Variants in DLGAP1 observed in about 807,000 individuals in gnomAD.
The protein encoded by DLGAP1 is DLG associated protein 1.
DLGAP1 carries 11 observed loss-of-function variants against 90.8 expected under a neutral mutation model. The ratio of observed to expected loss-of-function variants is 0.12; its 90% CI spans 0.08 to 0.20. The LOEUF (loss-of-function observed/expected upper bound fraction) is 0.20, where lower values mean the gene tolerates loss of function less well. Ranked by LOEUF, DLGAP1 falls within the 10% of genes least tolerant of loss-of-function variation. DLGAP1 has a pLI of 1.00. For missense variants in DLGAP1, 1,050 were observed against 1,333.8 expected, an observed-to-expected ratio of 0.79 and a Z score of 3.31; for synonymous variants, 558 against 540.7, an observed-to-expected ratio of 1.03 and a Z score of -0.44.
At chr18:4,186,359 T>C (rs954896191) in intron 1 of DLGAP1, among the ~76,000 whole-genome samples, 2 of 152,132 alleles carry the variant, frequency 1.3e-5, no homozygotes, top group Non-Finnish European at 2.9e-5. Flanking sequence ...CTAGTTCCTA[T>C]ATCCAGAATG....
intron 2 of DLGAP1, among the ~76,000 whole-genome samples, chr18:4,141,095 T>C (rs2076487626): frequency 6.6e-6 from 1 of 152,062 alleles, no homozygotes; most frequent in Non-Finnish European, 1.5e-5. Flanking sequence ...TGGGAAGTTC[T>C]CTGTTATTAT....
chr18:3,838,014 A>G (rs1352643311), intron 4 of DLGAP1, among the ~76,000 whole-genome samples: 2 of 149,516 alleles, frequency 1.3e-5, no homozygotes, highest in Non-Finnish European at 1.5e-5. Flanking sequence ...AATTAAAAAA[A>G]ATATAGATTG....
At position 3,517,697 on chromosome 18, in the gene DLGAP1, A is replaced by G. The variant is rs1374568900; in HGVS notation, c.2480-9036T>C. Among the ~76,000 whole-genome samples, 1 of 152,008 alleles carries G rather than the reference A, an allele frequency of 6.6e-6. No homozygotes were observed. The highest frequency in any genetic ancestry group is 1.5e-5 in the Non-Finnish European group (1 of 67,988). On this transcript the variant is annotated intron_variant, in intron 10 of 12. Transcript: ENST00000315677. This position sits in a 1 kb window ranked among gnomAD's most constrained non-coding sequence, Gnocchi z 4.1. ...TCAGGCACGGTGGCGCATGCCTGTAATCCCAGCTACTCAGGAGGCTGAGGC... is the reference window on the plus strand; with the variant it reads ...TCAGGCACGGTGGCGCATGCCTGTAGTCCCAGCTACTCAGGAGGCTGAGGC...
intron 2 of DLGAP1, among the ~76,000 whole-genome samples, chr18:4,016,166 C>T (rs2074520259): frequency 6.6e-6 from 1 of 152,050 alleles, no homozygotes; most frequent in African/African-American, 2.4e-5. Context: ...GATATTTAGC[C>T]TTCAATTTTA....
rs926475393 is a variant in DLGAP1, at chr18:4,159,740, C to T, written c.-266-8453G>A. Among the ~76,000 whole-genome samples the T allele has an allele frequency of 5.3e-5, 8 of 152,104 alleles. No individual in the cohort carries two copies. The South Asian group carries it at 6.2e-4, about 12-fold the overall frequency. On this transcript the variant is annotated intron_variant, in intron 1 of 12. Transcript: ENST00000315677. ...TTAATTGAAAAGGGCCTTACAATCA[C>T]GAAATACATAGGCTTATTTCATTTC...
At chr18:3,744,814 G>A (rs531378551) in intron 5 of DLGAP1, among the ~76,000 whole-genome samples, 159 of 152,254 alleles carry the variant, frequency 1.0e-3, no homozygotes, top group African/African-American at 3.6e-3. Context: ...CCAAAGTGTT[G>A]GGATTACAGG....
intron 2 of DLGAP1, among the ~76,000 whole-genome samples, chr18:4,120,721 T>C (rs2076138961): frequency 7.9e-6 from 1 of 127,244 alleles, no homozygotes; most frequent in South Asian, 2.6e-4. Flanking sequence ...TTTCCTTCCT[T>C]CCCTTCCTTC....
At chr18:3,599,486 A>T (rs1251554327) in intron 7 of DLGAP1, among the ~76,000 whole-genome samples, 1 of 152,334 alleles carries the variant, frequency 6.6e-6, no homozygotes, top group Middle Eastern at 3.4e-3. Flanking sequence ...TCCTACTCCC[A>T]CCTTCAGAGG....
At chr18:4,404,429 A>G (rs1290805863) in intron 1 of DLGAP1, among the ~76,000 whole-genome samples, 1 of 152,218 alleles carries the variant, frequency 6.6e-6, no homozygotes, top group Non-Finnish European at 1.5e-5. Flanking sequence ...AAACATGGCA[A>G]GGAAGAAGTT....
Position 4,159,319 on chromosome 18 carries a change from T to C in DLGAP1, c.-266-8032A>G, listed in dbSNP as rs1021252275. ...GTTAGGAAGTCAGTGCCCTTCATGA[T>C]CTGGCCCTGAAACTCTGCTTTCCTT... On this transcript the variant is annotated intron_variant, in intron 1 of 12. Transcript: ENST00000315677. Among the ~76,000 whole-genome samples, 4 of 152,174 alleles carry C rather than the reference T, an allele frequency of 2.6e-5. No homozygotes were observed. The East Asian group carries it at 7.7e-4, about 29-fold the overall frequency.
At chr18:3,915,397 G>A (rs35124953) in intron 3 of DLGAP1, among the ~76,000 whole-genome samples, 28,050 of 152,168 alleles carry the variant, frequency 0.18, 2,979 homozygotes, top group African/African-American at 0.29. Context: ...AAAATAGTGG[G>A]TGACTTGGTA....
At chr18:4,269,385 G>A (rs955566613) in intron 1 of DLGAP1, among the ~76,000 whole-genome samples, 5 of 131,648 alleles carry the variant, frequency 3.8e-5, no homozygotes, top group South Asian at 2.4e-4. Context: ...ACGGAGTCTT[G>A]CTCTGTCGCC....
At chr18:3,714,454 C>A (rs1057444498) in intron 7 of DLGAP1, among the ~76,000 whole-genome samples, 58 of 152,082 alleles carry the variant, frequency 3.8e-4, no homozygotes, top group African/African-American at 1.4e-3. Flanking sequence ...TGGAGATGCA[C>A]CCCCAAATGG....
intron 3 of DLGAP1, among the ~76,000 whole-genome samples, chr18:3,917,461 G>A (rs1342553283): frequency 1.3e-5 from 2 of 152,144 alleles, no homozygotes; most frequent in South Asian, 4.1e-4. Flanking sequence ...TCAGTTTGTT[G>A]TTACCTATGT....
chr18:3,940,972 T>G (rs1307019392), intron 3 of DLGAP1, among the ~76,000 whole-genome samples: 1 of 152,184 alleles, frequency 6.6e-6, no homozygotes, highest in African/African-American at 2.4e-5. Flanking sequence ...GATTGGCATA[T>G]GAAAGATCCT....
At chr18:4,439,710 T>C (rs1424578977) in intron 1 of DLGAP1, among the ~76,000 whole-genome samples, 7 of 151,808 alleles carry the variant, frequency 4.6e-5, no homozygotes, top group Non-Finnish European at 4.4e-5. Context: ...CTCAGGAGGC[T>C]GAGGCAGGAG....
At chr18:3,652,182 A>AAAAG (rs1258143371) in intron 7 of DLGAP1, among the ~76,000 whole-genome samples, 2 of 135,796 alleles carry the variant, frequency 1.5e-5, no homozygotes, top group Non-Finnish European at 3.0e-5. Context: ...AAAAAAAAAG[A>AAAAG]AAAGAAAGAA....
In DLGAP1 at chr18:3,534,444, G is replaced by A; in HGVS notation, c.2229C>T (p.Gly743=). ...CACAGGCATGGTAATGGTTTCCTGAGCCCTGAATGCTGACTGTGGAGGTGC... is the reference window on the plus strand; with the variant it reads ...CACAGGCATGGTAATGGTTTCCTGAACCCTGAATGCTGACTGTGGAGGTGC... ...DASTSTVSIQ[G]SGNHYHACAA... is the part of the protein sequence containing the mutation. Residue 743 remains glycine (G), a synonymous_variant, in exon 10 of 13, where the codon GGC becomes GGT. Transcript: ENST00000315677. 6.2e-7 allele frequency: 1 copy of A among 1,614,196 alleles called. No homozygotes were observed.
chr18:3,653,104 C>A lies in DLGAP1; in HGVS notation c.1592-70856G>T, dbSNP rs935950619. ...CTCCTTGATAAGGCCAATGTTTTGGCCCTACTGGTGAAAATATGTAGACCT... is the reference window on the plus strand; with the variant it reads ...CTCCTTGATAAGGCCAATGTTTTGGACCTACTGGTGAAAATATGTAGACCT... On this transcript the variant is annotated intron_variant, in intron 7 of 12. Transcript: ENST00000315677. This position sits in a 1 kb window ranked among gnomAD's most constrained non-coding sequence, Gnocchi z 4.6. Among the ~76,000 whole-genome samples the A allele has an allele frequency of 6.6e-6, 1 of 152,178 alleles. No individual in the cohort carries two copies. Among genetic ancestry groups the A allele is most frequent in the Admixed American group, 6.5e-5 (1 of 15,272 alleles).
Sources: gnomAD v4.1 joint callset for allele counts (sites outside exome capture counted in the v4.1 genomes callset) on GRCh38, gnomAD v4.1.1 for gene constraint, Gnocchi (gnomAD v3.1) non-coding constraint, MANE v1.5 for transcripts, NCBI Gene and HGNC (gene_info 2026-07-23, HGNC 2026-07-21) for gene names.